SYNJ1: variants seen among roughly 807,000 people sequenced by gnomAD.
SYNJ1 encodes the protein synaptojanin 1.
A neutral mutation model predicts 168.2 loss-of-function variants in SYNJ1; 78 were observed. The observed-to-expected ratio is 0.46, with a 90% confidence interval of 0.39 to 0.56. The LOEUF (loss-of-function observed/expected upper bound fraction) is 0.56, where lower values mean the gene tolerates loss of function less well. Ranked by LOEUF, SYNJ1 falls within the 20% of genes least tolerant of loss-of-function variation. The pLI is 0.00. For synonymous variants in SYNJ1, 539 were observed against 548.6 expected (o/e 0.98, Z 0.24); for missense variants, 1,303 against 1,597.6 (o/e 0.82, Z 3.14).
chr21:32,685,362 G>A (rs1024375379), intron 9 of SYNJ1, among the ~76,000 whole-genome samples: 1 of 148,984 alleles, frequency 6.7e-6, no homozygotes, highest in African/African-American at 2.5e-5. Flanking sequence ...TGAGGCAGGT[G>A]GATCACTTGA....
At chr21:32,632,051 T>C (rs1748598622) in intron 32 of SYNJ1, among the ~76,000 whole-genome samples, 1 of 152,214 alleles carries the variant, frequency 6.6e-6, no homozygotes, top group South Asian at 2.1e-4. Context: ...AAAGAGCTTA[T>C]TTCATTCATG....
Position 32,639,785 on chromosome 21 carries a change from G to A in SYNJ1, c.3589-6C>T, listed in dbSNP as rs1214137151. On this transcript the variant is annotated splice_polypyrimidine_tract_variant and splice_region_variant and intron_variant, in intron 29 of 32. Transcript: ENST00000674351. ...CCAGCACGAGGAGGAATCGTCTACAGATAGGAAACATAACACTTGAGACAT... is the reference window on the plus strand; with the variant it reads ...CCAGCACGAGGAGGAATCGTCTACAAATAGGAAACATAACACTTGAGACAT... The A allele has an allele frequency of 3.1e-6, 5 of 1,611,174 alleles. No individual in the cohort carries two copies. The Admixed American group carries it at 8.3e-5, about 27-fold the overall frequency.
At chr21:32,727,473 C>T (rs2043516807) in intron 1 of SYNJ1, among the ~76,000 whole-genome samples, 1 of 152,206 alleles carries the variant, frequency 6.6e-6, no homozygotes, top group African/African-American at 2.4e-5. Flanking sequence ...GCCGCCTCTC[C>T]TGCCCCGGGC....
intron 31 of SYNJ1, among the ~76,000 whole-genome samples, chr21:32,636,309 A>G (rs981791535): frequency 2.0e-5 from 3 of 152,222 alleles, no homozygotes; most frequent in Non-Finnish European, 2.9e-5. Context: ...AGGATTTTTT[A>G]TACTTTGTAA....
chr21:32,645,129 G>C (rs1420437488), intron 25 of SYNJ1, 123 bp from the exon 26 acceptor site: 1 of 898,146 alleles, frequency 1.1e-6, no homozygotes, highest in Admixed American at 3.1e-5. Context: ...TATTATCTAC[G>C]TACTACAAAA....
At chr21:32,726,148 A>G (rs2043444939) in intron 2 of SYNJ1, among the ~76,000 whole-genome samples, 1 of 152,210 alleles carries the variant, frequency 6.6e-6, no homozygotes, top group South Asian at 2.1e-4. Flanking sequence ...CATATCTTAC[A>G]TTAAGAAAGA....
intron 3 of SYNJ1, among the ~76,000 whole-genome samples, chr21:32,700,937 G>A (rs1393412682): frequency 6.6e-6 from 1 of 152,062 alleles, no homozygotes; most frequent in African/African-American, 2.4e-5. Context: ...ATGTAATTAT[G>A]ACAAAAAGCC....
rs1200243124 is a variant in SYNJ1, at chr21:32,629,429, C to T, written c.*2376G>A. On this transcript the variant is annotated 3_prime_UTR_variant, in exon 33 of 33. Coordinates refer to ENST00000674351, the MANE Select transcript of SYNJ1 (RefSeq NM_203446.3). Reference sequence around the variant, plus strand: ...TGGCTGTTAACAGAGAAGATTACTTCTATAAATATAGTATTTTGATAACAT... The same window carrying T: ...TGGCTGTTAACAGAGAAGATTACTTTTATAAATATAGTATTTTGATAACAT... 6.6e-6 allele frequency: 1 copy of T among 152,574 alleles called. No individual in the cohort carries two copies. The highest frequency in any genetic ancestry group is 1.9e-4 in the East Asian group (1 of 5,200). The allele number at this position is 152,574 out of a possible 1,614,324, so 9.5% of individuals were successfully genotyped here. A position where few individuals can be genotyped will look rare whatever the true frequency, so the allele number is the denominator to read the frequency against.
intron 31 of SYNJ1, among the ~76,000 whole-genome samples, chr21:32,637,372 T>A (rs1461766834): frequency 6.6e-6 from 1 of 151,694 alleles, no homozygotes; most frequent in Non-Finnish European, 1.5e-5. Flanking sequence ...CTACCATTAT[T>A]ATATATTTTC....
At chr21:32,649,647 A>G (rs1180448807) in intron 23 of SYNJ1, among the ~76,000 whole-genome samples, 3 of 152,262 alleles carry the variant, frequency 2.0e-5, no homozygotes, top group South Asian at 2.1e-4. Flanking sequence ...ATCCAATAAG[A>G]ATATAAATTA....
At chr21:32,689,922 G>A (rs2041961565) in intron 6 of SYNJ1, among the ~76,000 whole-genome samples, 1 of 152,196 alleles carries the variant, frequency 6.6e-6, no homozygotes, top group Non-Finnish European at 1.5e-5. Context: ...AGGACATTAA[G>A]CATTTTAGAC....
In SYNJ1 at chr21:32,656,671, A is replaced by G. The variant is rs533093953; in HGVS notation, c.2795+16T>C. 2.5e-6 allele frequency: 4 copies of G among 1,594,596 alleles called. No homozygotes were observed. The highest frequency in any genetic ancestry group is 1.1e-5 in the South Asian group (1 of 89,054). On this transcript the variant is annotated intron_variant, in intron 21 of 32. Transcript: ENST00000674351. Reference sequence around the variant, plus strand: ...TTTATGAATCACAAGCTACTTTTGCATAATAAACATCTTACCTTATAAGTA... The same window carrying G: ...TTTATGAATCACAAGCTACTTTTGCGTAATAAACATCTTACCTTATAAGTA...
chr21:32,720,451 T>C lies in SYNJ1; in HGVS notation c.124+6321A>G, dbSNP rs115206028. 5.1e-3 allele frequency among the ~76,000 whole-genome samples: 778 copies of C among 152,354 alleles called. 6 individuals carry two copies. The highest frequency in any genetic ancestry group is 0.018 in the African/African-American group (731 of 41,582). On this transcript the variant is annotated intron_variant, in intron 2 of 32. Coordinates refer to ENST00000674351, the MANE Select transcript of SYNJ1 (RefSeq NM_203446.3). The stretch of plus-strand genomic sequence containing the variant: ...ATTCTGTAATAAAGATCTCAGAATA[T>C]CATCCTATAGTATTATGACTTATAT...
chr21:32,686,041 C>G (rs2041827318), intron 8 of SYNJ1, 124 bp from the exon 9 acceptor site: 1 of 911,370 alleles, frequency 1.1e-6, no homozygotes, highest in Non-Finnish European at 1.6e-6. Context: ...AAAACTATCC[C>G]TGAGAGATAC....
Position 32,656,821 on chromosome 21 carries a change from T to G in SYNJ1, c.2661A>C (p.Ala887=), listed in dbSNP as rs775505084. Residue 887 remains alanine (A), a synonymous_variant, in exon 21 of 33, where the codon GCA becomes GCC. Coordinates refer to ENST00000674351, the MANE Select transcript of SYNJ1 (RefSeq NM_203446.3). ...CTGTACCATCTGGTGGACCCTGAAC[T>G]GCAATTACTTCTTTATAAATGTTTT... The part of the protein sequence containing the change: ...ERQNIYKEVI[A]VQGPPDGTVL... 1 of 1,614,202 alleles carries G rather than the reference T, an allele frequency of 6.2e-7. No individual in the cohort carries two copies. The highest frequency in any genetic ancestry group is 8.5e-7 in the Non-Finnish European group (1 of 1,180,036).
chr21:32,679,600 G>A (rs1197215572), intron 11 of SYNJ1, among the ~76,000 whole-genome samples: 1 of 152,038 alleles, frequency 6.6e-6, no homozygotes, highest in South Asian at 2.1e-4. Context: ...TTTGCAATAT[G>A]TAATTTTTAT....
chr21:32,716,963 C>CT (rs112013821), intron 2 of SYNJ1, among the ~76,000 whole-genome samples: 4,601 of 144,478 alleles, frequency 0.032, 89 homozygotes, highest in Non-Finnish European at 0.044. Flanking sequence ...GGGTCTTTCA[C>CT]TTTTTTTTTT....
intron 21 of SYNJ1, 127 bp from the exon 22 acceptor site, chr21:32,653,493 G>C: frequency 1.4e-6 from 1 of 706,832 alleles, no homozygotes; most frequent in Non-Finnish European, 2.4e-6. Context: ...AAAGGAGGGA[G>C]CGCAGGTAGG....
At chr21:32,666,365 C>A in intron 16 of SYNJ1, 68 bp downstream of exon 16, 1 of 1,550,036 alleles carries the variant, frequency 6.5e-7, no homozygotes, top group South Asian at 1.2e-5. Flanking sequence ...AAACAATAAA[C>A]ATTCTAGGCT....
Sources: gnomAD v4.1 joint callset for allele counts (sites outside exome capture counted in the v4.1 genomes callset) on GRCh38, gnomAD v4.1.1 for gene constraint, MANE v1.5 for transcripts, NCBI Gene and HGNC (gene_info 2026-07-23, HGNC 2026-07-21) for gene names.